Variants in SYNPR observed in about 807,000 individuals in gnomAD.
SYNPR encodes synaptoporin.
A neutral mutation model predicts 32.9 loss-of-function variants in SYNPR; 23 were observed. The observed-to-expected ratio is 0.70, with a 90% CI of 0.50 to 0.99. The LOEUF (loss-of-function observed/expected upper bound fraction) is 0.99, where lower values mean the gene tolerates loss of function less well. Among genes scored for constraint, SYNPR ranks in the 50% least tolerant of loss-of-function variants. SYNPR has a pLI of 0.00. For synonymous variants in SYNPR, 146 were observed against 135.9 expected (o/e 1.07, Z -0.52); for missense variants, 318 against 349.3 (o/e 0.91, Z 0.71).
At chr3:63,342,894 T>C (rs1311482883) in intron 2 of SYNPR, among the ~76,000 whole-genome samples, 2 of 152,236 alleles carry the variant, frequency 1.3e-5, no homozygotes, top group East Asian at 3.8e-4. Context: ...GTAGAATTTA[T>C]GGGTTGAAAG....
chr3:63,404,376 G>A (rs575772731), intron 2 of SYNPR, among the ~76,000 whole-genome samples: 18 of 152,208 alleles, frequency 1.2e-4, no homozygotes, highest in African/African-American at 4.1e-4. Context: ...CTACAACAAT[G>A]ATAATAGTCT....
chr3:63,323,038 C>T (rs1304925793), intron 2 of SYNPR, among the ~76,000 whole-genome samples: 1 of 151,906 alleles, frequency 6.6e-6, no homozygotes, highest in East Asian at 1.9e-4. Context: ...CTTTAAGCTC[C>T]CAAGAGGCCT....
intron 2 of SYNPR, among the ~76,000 whole-genome samples, chr3:63,437,300 A>C (rs1700101377): frequency 6.6e-6 from 1 of 152,186 alleles, no homozygotes; most frequent in African/African-American, 2.4e-5. Context: ...TTAGATGTTA[A>C]ATGCTTGGTA....
intron 2 of SYNPR, among the ~76,000 whole-genome samples, chr3:63,256,098 C>A (rs1427911436): frequency 6.6e-6 from 1 of 152,142 alleles, no homozygotes; most frequent in African/African-American, 2.4e-5. Flanking sequence ...GAGCCCACCG[C>A]AGCTCAAGGA....
intron 2 of SYNPR, among the ~76,000 whole-genome samples, chr3:63,388,699 A>C (rs184962998): frequency 6.6e-6 from 1 of 151,854 alleles, no homozygotes; most frequent in Non-Finnish European, 1.5e-5. Flanking sequence ...AACGCCTGGG[A>C]TTATAGGCGT....
chr3:63,607,786 C>T (rs117430980), intron 4 of SYNPR, among the ~76,000 whole-genome samples: 1,566 of 152,250 alleles, frequency 0.01, 63 homozygotes, highest in Admixed American at 0.065. Flanking sequence ...ACAAAGATCA[C>T]ACCTAACAAA....
chr3:63,265,043 C>G (rs2086472086), intron 2 of SYNPR, among the ~76,000 whole-genome samples: 1 of 151,978 alleles, frequency 6.6e-6, no homozygotes, highest in African/African-American at 2.4e-5. Context: ...CAGTTCTACC[C>G]TATGAGAATA....
At chr3:63,420,709 T>C (rs1020751150) in intron 2 of SYNPR, among the ~76,000 whole-genome samples, 1 of 152,164 alleles carries the variant, frequency 6.6e-6, no homozygotes, top group Admixed American at 6.5e-5. Flanking sequence ...TTATTTTAAA[T>C]TTTTATATGA....
chr3:63,309,517 T>C (rs532510787), intron 2 of SYNPR, among the ~76,000 whole-genome samples: 3 of 152,204 alleles, frequency 2.0e-5, no homozygotes, highest in African/African-American at 7.2e-5. Context: ...TTTGTTCAGG[T>C]CTTACTTTTA....
chr3:63,281,264 A>T (rs969977071), intron 2 of SYNPR, among the ~76,000 whole-genome samples: 1 of 152,200 alleles, frequency 6.6e-6, no homozygotes, highest in Admixed American at 6.5e-5. Context: ...ATGACAGAGC[A>T]CTTAAAATAT....
Position 63,475,777 on chromosome 3 carries a change from G to A in SYNPR, c.85-5055G>A, listed in dbSNP as rs80191244. Among the ~76,000 whole-genome samples, 1,278 of 152,024 alleles carry A rather than the reference G, an allele frequency of 8.4e-3. 58 individuals carry two copies. The East Asian group carries it at 0.13, about 16-fold the overall frequency. Reference sequence around the variant, plus strand: ...CTTAGCCTTCCAGGTCTCACCCCCAGTTTTCATTCCATCCTGGCTATATAA... The same window carrying A: ...CTTAGCCTTCCAGGTCTCACCCCCAATTTTCATTCCATCCTGGCTATATAA... On this transcript the variant is annotated intron_variant, in intron 2 of 5. Coordinates refer to ENST00000478300, the MANE Select transcript of SYNPR (RefSeq NM_001130003.2).
chr3:63,489,381 T>C (rs1489038883), intron 3 of SYNPR, among the ~76,000 whole-genome samples: 1 of 152,100 alleles, frequency 6.6e-6, no homozygotes. Flanking sequence ...CTGAAGAAAG[T>C]CTTCTTGCAA....
At chr3:63,441,989 A>G (rs1349699622) in intron 2 of SYNPR, among the ~76,000 whole-genome samples, 1 of 152,198 alleles carries the variant, frequency 6.6e-6, no homozygotes, top group Non-Finnish European at 1.5e-5. Flanking sequence ...CCACATGACT[A>G]GTAAGTGGGA....
At chr3:63,435,665 A>T (rs1352564630) in intron 2 of SYNPR, among the ~76,000 whole-genome samples, 1 of 152,206 alleles carries the variant, frequency 6.6e-6, no homozygotes, top group Non-Finnish European at 1.5e-5. Context: ...TTAAAAAACT[A>T]AGCTATTAAA....
In SYNPR at chr3:63,278,441, C is replaced by G; in HGVS notation, c.-93C>G. On this transcript the variant is annotated 5_prime_UTR_variant, in exon 1 of 6. Transcript: ENST00000478300. ...CAGGGTGTCGCTCCTCTGGCTGCTC[C>G]CGAAGGGGCTTCTGGCCCTGAGGAC... 1 of 1,462,798 alleles carries G rather than the reference C, an allele frequency of 6.8e-7. No homozygotes were observed. Among genetic ancestry groups the G allele is most frequent in the Non-Finnish European group, 9.1e-7 (1 of 1,098,086 alleles). 90.6% of individuals were successfully genotyped at this position (1,462,798 alleles called of 1,614,324 possible).
chr3:63,204,903 GT>G, the SYNPR span, among the ~76,000 whole-genome samples: 11 of 152,054 alleles, frequency 7.2e-5, no homozygotes, highest in African/African-American at 2.7e-4. Flanking sequence ...GGCCAGGCTG[GT>G]TTCAAACTCC....
chr3:63,223,451 T>A (rs1200569343), upstream of SYNPR, among the ~76,000 whole-genome samples: 3 of 152,004 alleles, frequency 2.0e-5, no homozygotes, highest in Non-Finnish European at 2.9e-5. Flanking sequence ...TTCCACCTGA[T>A]GAGACCTGGT....
At chr3:63,477,556 C>G (rs2106690755) in intron 2 of SYNPR, among the ~76,000 whole-genome samples, 1 of 152,230 alleles carries the variant, frequency 6.6e-6, no homozygotes, top group East Asian at 1.9e-4. Flanking sequence ...CAGCAGCTCT[C>G]TCATCAGCAG....
At chr3:63,228,209 T>C (rs2086142920), upstream of SYNPR, 1 of 152,142 alleles carries the variant, frequency 6.6e-6, no homozygotes, top group South Asian at 2.1e-4. Flanking sequence ...CTTTAACATG[T>C]GACTGCCAGC....
Sources: allele counts gnomAD v4.1 joint callset (sites outside exome capture counted in the v4.1 genomes callset), GRCh38; gene constraint gnomAD v4.1.1; transcripts MANE v1.5; gene names NCBI Gene and HGNC (gene_info 2026-07-23, HGNC 2026-07-21).